Variants in VWA5B1 observed in about 807,000 individuals in gnomAD.
The protein encoded by VWA5B1 is von Willebrand factor A domain-containing protein 5B1.
A neutral mutation model predicts 118.2 loss-of-function variants in VWA5B1; 115 were observed. The ratio of observed to expected loss-of-function variants is 0.97; its 90% confidence interval spans 0.84 to 1.14. VWA5B1 has a LOEUF of 1.14. Among genes scored for constraint, VWA5B1 ranks in the 50% most tolerant of loss-of-function variants. The probability of loss-of-function intolerance (pLI) is 0.00; values close to 1 mark genes in which losing one functional copy is unlikely to be tolerated. For synonymous variants in VWA5B1, 682 were observed against 658.4 expected, an observed-to-expected ratio of 1.04 and a Z score of -0.55; for missense variants, 1,596 against 1,603.8, an observed-to-expected ratio of 1.00 and a Z score of 0.08.
chr1:20,318,538 T>C (rs1487566547), intron 5 of VWA5B1, 52 bp from the exon 6 acceptor site: 3 of 1,547,442 alleles, frequency 1.9e-6, no homozygotes, highest in Non-Finnish European at 2.6e-6. Flanking sequence ...CGAACTCCTC[T>C]CTCTCCTGAC....
rs541282740 is a variant in VWA5B1 at position 20,357,495 on chromosome 1, T to C, written c.*3232T>C. ...AGGTGACCCAGCAGCAGCTCTTCTCTGGTTACTAGGTCGCAAAATGCTGGT... is the reference window on the plus strand; with the variant it reads ...AGGTGACCCAGCAGCAGCTCTTCTCCGGTTACTAGGTCGCAAAATGCTGGT... On this transcript the variant is annotated 3_prime_UTR_variant, in exon 22 of 22. Transcript: ENST00000289815. Among the ~76,000 whole-genome samples, 9 of 152,316 alleles carry C rather than the reference T, an allele frequency of 5.9e-5. No individual in the cohort carries two copies. The South Asian group carries it at 1.9e-3, about 32-fold the overall frequency.
chr1:20,342,982 T>C, intron 15 of VWA5B1, 97 bp from the exon 16 acceptor site: 1 of 1,449,810 alleles, frequency 6.9e-7, no homozygotes, highest in Non-Finnish European at 9.1e-7. Context: ...TGTACTTGCT[T>C]AGAAGTGTCT....
intron 12 of VWA5B1, among the ~76,000 whole-genome samples, chr1:20,336,012 C>T (rs1007815001): frequency 2.6e-5 from 4 of 152,094 alleles, no homozygotes; most frequent in East Asian, 1.9e-4. Flanking sequence ...TTGGTAATTT[C>T]GGTTACCTAT....
intron 18 of VWA5B1, among the ~76,000 whole-genome samples, chr1:20,348,569 T>C (rs1480461074): frequency 6.6e-6 from 1 of 152,218 alleles, no homozygotes; most frequent in Non-Finnish European, 1.5e-5. Context: ...GCACCACCAC[T>C]GACACAGTTC....
At position 20,355,667 on chromosome 1, in the gene VWA5B1, GC is replaced by G. The variant is rs980052012; in HGVS notation, c.*1408del. Among the ~76,000 whole-genome samples, 10 of 152,232 alleles carry G rather than the reference GC, an allele frequency of 6.6e-5. No individual in the cohort carries two copies. The highest frequency in any genetic ancestry group is 2.4e-4 in the African/African-American group (10 of 41,472). ...TGGGGTCCTGCGGGCTCTGGCGCAA[GC>G]CCCGGCCTCAGGAAGACTCGAGGGG... On this transcript the variant is annotated 3_prime_UTR_variant, in exon 22 of 22. Transcript: ENST00000289815.
rs770741143 is a variant in VWA5B1, at chr1:20,332,807, C to A, written c.1614C>A (p.Ser538Arg). 6.4e-7 allele frequency: 1 copy of A among 1,551,696 alleles called. No individual in the cohort carries two copies. The highest frequency in any genetic ancestry group is 8.7e-7 in the Non-Finnish European group (1 of 1,147,034). Reference protein sequence around the residue: ...SLKKAMAPVLSDVTVEWIFPE... With the variant: ...SLKKAMAPVLRDVTVEWIFPE... The stretch of plus-strand genomic sequence containing the variant: ...AGAAGGCCATGGCCCCAGTCCTGAG[C>A]GATGTGACTGTGGAGTGGATCTTCC... Residue 538 changes from serine to arginine, a missense_variant, in exon 12 of 22, where the codon AGC becomes AGA. By Grantham distance (110) the Ser-to-Arg change is moderately radical (BLOSUM62 -1). Transcript: ENST00000289815.
intron 16 of VWA5B1, among the ~76,000 whole-genome samples, chr1:20,344,783 T>C (rs1047102935): frequency 1.3e-5 from 2 of 152,368 alleles, no homozygotes; most frequent in Non-Finnish European, 2.9e-5. Context: ...ATTTTTGTAT[T>C]GTACGTGTTA....
intron 1 of VWA5B1, among the ~76,000 whole-genome samples, chr1:20,295,954 C>T (rs1274548340): frequency 6.6e-6 from 1 of 152,164 alleles, no homozygotes; most frequent in African/African-American, 2.4e-5. Context: ...CCTCCGCCTC[C>T]TAGGTTCAAG....
intron 4 of VWA5B1, 106 bp from the exon 5 acceptor site, chr1:20,317,424 G>C: frequency 6.9e-7 from 1 of 1,441,010 alleles, no homozygotes; most frequent in African/African-American, 1.4e-5. Context: ...GGGCCCCCTT[G>C]GTGGGCTGGG....
chr1:20,344,346 G>C (rs2089964217), intron 16 of VWA5B1, among the ~76,000 whole-genome samples: 1 of 152,078 alleles, frequency 6.6e-6, no homozygotes, highest in Non-Finnish European at 1.5e-5. Flanking sequence ...AGGGCTCCAC[G>C]CACTCATTCA....
intron 1 of VWA5B1, among the ~76,000 whole-genome samples, chr1:20,302,509 G>A (rs958172059): frequency 1.3e-5 from 2 of 152,218 alleles, no homozygotes; most frequent in African/African-American, 4.8e-5. Context: ...AAGTTCTGGG[G>A]GCTAACTGCT....
At chr1:20,335,490 T>C (rs2089687220) in intron 12 of VWA5B1, among the ~76,000 whole-genome samples, 1 of 152,124 alleles carries the variant, frequency 6.6e-6, no homozygotes, top group Non-Finnish European at 1.5e-5. Flanking sequence ...AATGTGGAGG[T>C]TAGGGATACT....
At chr1:20,320,178 C>A (rs1419463889) in intron 7 of VWA5B1, among the ~76,000 whole-genome samples, 1 of 152,200 alleles carries the variant, frequency 6.6e-6, no homozygotes, top group Non-Finnish European at 1.5e-5. Flanking sequence ...CCATTAGCCC[C>A]CTTTTTAGAT....
At chr1:20,333,885 A>T (rs565540005) in intron 12 of VWA5B1, among the ~76,000 whole-genome samples, 18 of 152,376 alleles carry the variant, frequency 1.2e-4, no homozygotes, top group African/African-American at 4.1e-4. Flanking sequence ...AAGAAGTCAC[A>T]AACTCAATGC....
chr1:20,346,177 T>G (rs1217837420), intron 17 of VWA5B1, among the ~76,000 whole-genome samples: 1 of 151,960 alleles, frequency 6.6e-6, no homozygotes, highest in African/African-American at 2.4e-5. Context: ...AGCCAATTAG[T>G]GTTCCAAAGC....
intron 14 of VWA5B1, among the ~76,000 whole-genome samples, chr1:20,342,052 G>C (rs2089887690): frequency 6.6e-6 from 1 of 150,800 alleles, no homozygotes; most frequent in African/African-American, 2.4e-5. Context: ...GACCTTTTAA[G>C]TATGACATAT....
chr1:20,352,109 C>G lies in VWA5B1; in HGVS notation c.3078C>G (p.Ser1026Arg). Residue 1026 changes from serine to arginine, a missense_variant, in exon 21 of 22, where the codon AGC (serine) becomes AGG (arginine). Coordinates refer to ENST00000289815, the MANE Select transcript of VWA5B1 (RefSeq NM_001039500.3). Reference protein sequence around the residue: ...LLTRAAKGFLSKPLIKAVEST... With the variant: ...LLTRAAKGFLRKPLIKAVEST... ...CGCGAGCAGCCAAGGGCTTCCTGAG[C>G]AAGCCACTGATCAAAGCTGTGGAGT... is the stretch of plus-strand genomic sequence containing the variant. The G allele has an allele frequency of 6.4e-7, 1 of 1,551,016 alleles. No homozygotes were observed. Among genetic ancestry groups the G allele is most frequent in the Non-Finnish European group, 8.7e-7 (1 of 1,146,950 alleles).
chr1:20,337,851 C>T lies in VWA5B1; in HGVS notation c.2133+15C>T, dbSNP rs1274079766. 6.4e-7 allele frequency: 1 copy of T among 1,551,322 alleles called. No individual in the cohort carries two copies. The highest frequency in any genetic ancestry group is 8.7e-7 in the Non-Finnish European group (1 of 1,146,824). On this transcript the variant is annotated intron_variant, in intron 14 of 21. Transcript: ENST00000289815. Reference sequence around the variant, plus strand: ...TTGATTTGCAGGTACCCAAGCAGGACAGATTAGGGAGGAGCTGGGGAAGGC... The same window carrying T: ...TTGATTTGCAGGTACCCAAGCAGGATAGATTAGGGAGGAGCTGGGGAAGGC...
intron 2 of VWA5B1, among the ~76,000 whole-genome samples, chr1:20,311,988 G>A (rs2088863777): frequency 6.6e-6 from 1 of 152,230 alleles, no homozygotes; most frequent in Non-Finnish European, 1.5e-5. Context: ...GAAGGAACAA[G>A]TGCCCCCATT....
Sources: gnomAD v4.1 joint callset for allele counts (sites outside exome capture counted in the v4.1 genomes callset) on GRCh38, gnomAD v4.1.1 for gene constraint, MANE v1.5 for transcripts, NCBI Gene and HGNC (gene_info 2026-07-23, HGNC 2026-07-21) for gene names.